The following SLC6A11 variants were observed in gnomAD, a reference collection of about 807,000 sequenced individuals.
SLC6A11 encodes the protein solute carrier family 6 member 11.
SLC6A11 carries 25 observed loss-of-function variants against 74.8 expected under a neutral mutation model. That is an observed-to-expected ratio of 0.33 (90% CI 0.24 to 0.47). The LOEUF is 0.47. Among genes scored for constraint, SLC6A11 ranks in the 20% least tolerant of loss-of-function variants. The probability of loss-of-function intolerance (pLI) is 1.00; values close to 1 mark genes in which losing one functional copy is unlikely to be tolerated. For synonymous variants in SLC6A11, 330 were observed against 330.2 expected (o/e 1.00, Z 0.01); for missense variants, 574 against 837.0 (o/e 0.69, Z 3.88).
chr3:10,843,622 A>G (rs1173237027), intron 4 of SLC6A11, among the ~76,000 whole-genome samples: 2 of 152,178 alleles, frequency 1.3e-5, no homozygotes, highest in East Asian at 1.9e-4. Flanking sequence ...CAAGCAACAA[A>G]GTTTATTTCC....
In SLC6A11 at chr3:10,888,000, A is replaced by G. The variant is rs189972436; in HGVS notation, c.891+12905A>G. Among the ~76,000 whole-genome samples the G allele has an allele frequency of 2.0e-3, 305 of 152,332 alleles. 6 individuals are homozygous for G. The highest frequency in any genetic ancestry group is 7.2e-4 in the Non-Finnish European group (49 of 68,030). On this transcript the variant is annotated intron_variant, in intron 6 of 13. Coordinates refer to ENST00000254488, the MANE Select transcript of SLC6A11 (RefSeq NM_014229.3). ...TCATTGGTCTGGAGAGAGCTATTGAATGTTTTTGAACAAGAGATGACTGGC... is the reference window on the plus strand; with the variant it reads ...TCATTGGTCTGGAGAGAGCTATTGAGTGTTTTTGAACAAGAGATGACTGGC...
intron 6 of SLC6A11, among the ~76,000 whole-genome samples, chr3:10,894,709 G>A (rs1215245193): frequency 2.0e-5 from 3 of 152,144 alleles, no homozygotes; most frequent in African/African-American, 7.2e-5. Context: ...ATGAGTTCAC[G>A]TCTATCGTAC....
intron 5 of SLC6A11, among the ~76,000 whole-genome samples, chr3:10,873,750 ATCC>A (rs1694870059): frequency 1.4e-5 from 2 of 139,316 alleles, no homozygotes; most frequent in South Asian, 4.6e-4. Context: ...GTCCCATGCT[ATCC>A]TGTCCTGTCC....
In SLC6A11 at chr3:10,822,084, AT is replaced by A. The variant is rs1694145491; in HGVS notation, c.533-1217del. 2.0e-5 allele frequency among the ~76,000 whole-genome samples: 3 copies of A among 152,368 alleles called. No individual in the cohort carries two copies. The South Asian group carries it at 6.2e-4, about 32-fold the overall frequency. Reference sequence around the variant, plus strand: ...AACCTCTTTCTTCAACTGGTTTGCAATCCCCTTTCTCTAAAGGTGTGTGAAC... The same window carrying A: ...AACCTCTTTCTTCAACTGGTTTGCAACCCCTTTCTCTAAAGGTGTGTGAAC... On this transcript the variant is annotated intron_variant, in intron 3 of 13. Transcript: ENST00000254488.
At chr3:10,857,345 G>A (rs1385749153) in intron 5 of SLC6A11, among the ~76,000 whole-genome samples, 1 of 152,194 alleles carries the variant, frequency 6.6e-6, no homozygotes, top group Non-Finnish European at 1.5e-5. Flanking sequence ...AGACTTCAGA[G>A]TAGGGGAAGC....
At chr3:10,884,290 T>C (rs986158205) in intron 6 of SLC6A11, among the ~76,000 whole-genome samples, 10 of 152,254 alleles carry the variant, frequency 6.6e-5, no homozygotes, top group African/African-American at 2.2e-4. Flanking sequence ...CATTGATTGA[T>C]TGCTGACTTT....
Position 10,915,778 on chromosome 3 carries a change from T to C in SLC6A11, c.996-2551T>C, listed in dbSNP as rs886668376. Among the ~76,000 whole-genome samples, 5 of 152,210 alleles carry C rather than the reference T, an allele frequency of 3.3e-5. No homozygotes were observed. The highest frequency in any genetic ancestry group is 4.8e-5 in the African/African-American group (2 of 41,454). ...TGTCTCTCCTTCTGTCTCTCCATAA[T>C]GTGAGGAAGTCACTCAACAGACCTG... On this transcript the variant is annotated intron_variant, in intron 7 of 13. Transcript: ENST00000254488. The surrounding 1 kb of genome is among the most constrained non-coding windows in gnomAD (Gnocchi z 4.3).
intron 6 of SLC6A11, among the ~76,000 whole-genome samples, chr3:10,892,134 T>G (rs1323043645): frequency 6.6e-6 from 1 of 152,248 alleles, no homozygotes; most frequent in African/African-American, 2.4e-5. Flanking sequence ...TGACGGGTCT[T>G]TGATACCTCT....
At chr3:10,873,115 G>T (rs1217418940) in intron 5 of SLC6A11, among the ~76,000 whole-genome samples, 1 of 152,192 alleles carries the variant, frequency 6.6e-6, no homozygotes, top group Non-Finnish European at 1.5e-5. Context: ...CAGCCCCTGG[G>T]ACGGGAACTC....
At chr3:10,855,833 C>T (rs1279423159) in intron 5 of SLC6A11, among the ~76,000 whole-genome samples, 5 of 152,210 alleles carry the variant, frequency 3.3e-5, no homozygotes, top group Non-Finnish European at 5.9e-5. Context: ...GGAAAAGAAA[C>T]CATGTGTACA....
At position 10,939,255 on chromosome 3, in the gene SLC6A11, A is replaced by G. The variant is rs1478348110; in HGVS notation, c.*853A>G. The G allele has an allele frequency of 1.3e-5, 2 of 152,150 alleles. No individual in the cohort carries two copies. The highest frequency in any genetic ancestry group is 4.8e-5 in the African/African-American group (2 of 41,412). 9.4% of individuals were successfully genotyped at this position (152,150 alleles called of 1,614,324 possible). A position where few individuals can be genotyped will look rare whatever the true frequency, so the allele number is the denominator to read the frequency against. On this transcript the variant is annotated 3_prime_UTR_variant, in exon 14 of 14. Coordinates refer to ENST00000254488, the MANE Select transcript of SLC6A11 (RefSeq NM_014229.3). ...TTCCCTAAAACTCTAATTTCATCTC[A>G]TCTGTGGGCAGCCCTGCTCTCTGGA...
chr3:10,842,489 G>A (rs903530237), intron 4 of SLC6A11, among the ~76,000 whole-genome samples: 1 of 152,168 alleles, frequency 6.6e-6, no homozygotes, highest in Non-Finnish European at 1.5e-5. Flanking sequence ...TCTCTTAAAG[G>A]CCTCATTTAA....
intron 4 of SLC6A11, among the ~76,000 whole-genome samples, chr3:10,842,229 A>G (rs537419512): frequency 6.6e-5 from 10 of 152,298 alleles, no homozygotes; most frequent in Admixed American, 1.3e-4. Context: ...CCTCCAAAAC[A>G]CAAGTTTAAA....
At position 10,926,793 on chromosome 3, in the gene SLC6A11, G is replaced by A. The variant is rs530516442; in HGVS notation, c.1233+677G>A. On this transcript the variant is annotated intron_variant, in intron 9 of 13. Transcript: ENST00000254488. The surrounding 1 kb of genome is among the most constrained non-coding windows in gnomAD (Gnocchi z 5.7). ...CGCTTCCCGCACTGAGCACACTCCA[G>A]ACTCCCATCCCAGGTCCCCGGCCTC... Among the ~76,000 whole-genome samples, 351 of 152,186 alleles carry A rather than the reference G, an allele frequency of 2.3e-3. 3 individuals carry two copies. The highest frequency in any genetic ancestry group is 8.2e-3 in the African/African-American group (339 of 41,518).
At chr3:10,901,231 G>A (rs1010243795) in intron 6 of SLC6A11, among the ~76,000 whole-genome samples, 5 of 152,206 alleles carry the variant, frequency 3.3e-5, no homozygotes, top group African/African-American at 1.2e-4. Flanking sequence ...TTGGTAAAAT[G>A]GGGCTCAAGC....
At position 10,903,783 on chromosome 3, in the gene SLC6A11, T is replaced by C. The variant is rs527279733; in HGVS notation, c.892-8307T>C. On this transcript the variant is annotated intron_variant, in intron 6 of 13. Transcript: ENST00000254488. ...CAATGCTCTCCAAGAGCCAGGACGG[T>C]ACTGAAGGTTTGTTTCACAAATGTT... Among the ~76,000 whole-genome samples the C allele has an allele frequency of 3.9e-5, 6 of 152,330 alleles. No homozygotes were observed. In the East Asian group the frequency reaches 1.2e-3, roughly 29 times the overall value.
At chr3:10,830,092 G>A (rs554286244) in intron 4 of SLC6A11, among the ~76,000 whole-genome samples, 3 of 152,228 alleles carry the variant, frequency 2.0e-5, no homozygotes, top group South Asian at 2.1e-4. Flanking sequence ...TTTGAATTAC[G>A]AGGTAACAGA....
chr3:10,869,678 G>A (rs1023425252), intron 5 of SLC6A11, among the ~76,000 whole-genome samples: 25 of 152,228 alleles, frequency 1.6e-4, no homozygotes, highest in Non-Finnish European at 2.6e-4. Context: ...CTGGACCAGC[G>A]TTATCCGACT....
At chr3:10,924,774 G>A (rs972266761) in intron 8 of SLC6A11, among the ~76,000 whole-genome samples, 1 of 152,194 alleles carries the variant, frequency 6.6e-6, no homozygotes, top group Non-Finnish European at 1.5e-5. Context: ...AAATGCAAAT[G>A]AAAACTATGA....
Sources: gnomAD v4.1 joint callset for allele counts (sites outside exome capture counted in the v4.1 genomes callset) on GRCh38, gnomAD v4.1.1 for gene constraint, Gnocchi (gnomAD v3.1) non-coding constraint, MANE v1.5 for transcripts, NCBI Gene and HGNC (gene_info 2026-07-23, HGNC 2026-07-21) for gene names.